NAV1: variants seen among roughly 807,000 people sequenced by gnomAD.
The protein encoded by NAV1 is neuron navigator 1.
NAV1 carries 18 observed loss-of-function variants against 175.2 expected under a neutral mutation model. The ratio of observed to expected loss-of-function variants is 0.10; its 90% CI spans 0.07 to 0.15. The LOEUF is 0.15. Ranked by LOEUF, NAV1 falls within the 10% of genes least tolerant of loss-of-function variation. The pLI is 1.00. For synonymous variants in NAV1, 897 were observed against 978.7 expected, an observed-to-expected ratio of 0.92 and a Z score of 1.56; for missense variants, 1,731 against 2,436.6, an observed-to-expected ratio of 0.71 and a Z score of 6.10.
Position 201,753,289 on chromosome 1 carries a change from C to T in NAV1, c.1227-27132C>T, listed in dbSNP as rs956454739. 2.0e-5 allele frequency among the ~76,000 whole-genome samples: 3 copies of T among 152,160 alleles called. No homozygotes were observed. The South Asian group carries it at 6.2e-4, about 31-fold the overall frequency. On this transcript the variant is annotated intron_variant, in intron 3 of 29. Transcript: ENST00000367296. ...CAGGATTGATGAGCCCCTGTAAGAA[C>T]TGCATTGCATATTTCATAAATGTAA...
chr1:201,762,403 A>T (rs565183831), intron 3 of NAV1, among the ~76,000 whole-genome samples: 1 of 152,310 alleles, frequency 6.6e-6, no homozygotes, highest in South Asian at 2.1e-4. Flanking sequence ...TGCTTGGCCA[A>T]ATCCAGTCCA....
chr1:201,574,365 G>A (rs1249865623), intron 1 of NAV1, among the ~76,000 whole-genome samples: 2 of 152,052 alleles, frequency 1.3e-5, no homozygotes, highest in Non-Finnish European at 2.9e-5. Context: ...CATGAGAATT[G>A]GACTTTACAG....
upstream of NAV1, among the ~76,000 whole-genome samples, chr1:201,646,227 A>G (rs562054910): frequency 2.2e-4 from 34 of 152,304 alleles, no homozygotes; most frequent in South Asian, 7.0e-3. Context: ...GTCATTTCCT[A>G]TCTGGAACCA....
upstream of NAV1, chr1:201,622,860 G>A (rs963150120): frequency 3.0e-6 from 3 of 985,840 alleles, no homozygotes; most frequent in Non-Finnish European, 3.6e-6. Context: ...CAGGACAGTA[G>A]CCCACACTTC....
intron 3 of NAV1, among the ~76,000 whole-genome samples, chr1:201,745,803 C>T (rs1673730306): frequency 6.6e-6 from 1 of 152,136 alleles, no homozygotes; most frequent in Non-Finnish European, 1.5e-5. Context: ...ATGAGGTTCC[C>T]CAGCCTCCAG....
chr1:201,695,157 G>GC lies in NAV1; in HGVS notation c.758-17654dup, dbSNP rs536129634. Among the ~76,000 whole-genome samples the GC allele has an allele frequency of 2.8e-4, 42 of 152,254 alleles. 1 individual carries two copies. In the South Asian group the frequency reaches 8.5e-3, roughly 31 times the overall value. ...GCCTCTTCCATGCTCAGGCCTCTTGGCCCCCCTGGATGGGCTCAGGGCAAA... is the reference window on the plus strand; with the variant it reads ...GCCTCTTCCATGCTCAGGCCTCTTGGCCCCCCCTGGATGGGCTCAGGGCAAA... On this transcript the variant is annotated intron_variant, in intron 1 of 29. Coordinates refer to ENST00000367296, the Ensembl canonical transcript of NAV1.
intron 1 of NAV1, among the ~76,000 whole-genome samples, chr1:201,584,776 T>G (rs1292802181): frequency 6.6e-6 from 1 of 152,234 alleles, no homozygotes; most frequent in Non-Finnish European, 1.5e-5. Context: ...TTCTGGCTCT[T>G]TCACTCAGTT....
intron 13 of NAV1, chr1:201,791,908 C>A (rs1045051087): frequency 6.6e-6 from 1 of 152,116 alleles, no homozygotes; most frequent in Non-Finnish European, 1.5e-5. Flanking sequence ...TTGTGCCACA[C>A]CCACCAAAGC....
At position 201,782,640 on chromosome 1, in the gene NAV1, C is replaced by T. The variant is rs754388009; in HGVS notation, c.2128C>T (p.Leu710Phe). The change falls in exon 6 of 30, where the codon CTT (leucine) becomes TTT (phenylalanine). Residue 710 changes from leucine to phenylalanine, a missense_variant. By Grantham distance (22) the Leu-to-Phe change is conservative (BLOSUM62 0). Transcript: ENST00000367296. This position sits in a 1 kb window ranked among gnomAD's most constrained non-coding sequence, Gnocchi z 5.4. The stretch of plus-strand genomic sequence containing the variant: ...TCTCCTCAGCACCAAGCAGGGAGGC[C>T]TTACGCCTTCCAGACTGAAGGAGCC... 6.2e-7 allele frequency: 1 copy of T among 1,614,132 alleles called. No individual in the cohort carries two copies. Among genetic ancestry groups the T allele is most frequent in the Non-Finnish European group, 8.5e-7 (1 of 1,180,018 alleles).
In NAV1 at chr1:201,782,958, C is replaced by T. The variant is rs758081150; in HGVS notation, c.2357+89C>T. 1.8e-5 allele frequency: 21 copies of T among 1,152,262 alleles called. No individual in the cohort carries two copies. Among genetic ancestry groups the T allele is most frequent in the Non-Finnish European group, 2.1e-5 (17 of 817,616 alleles). 71.4% of individuals were successfully genotyped at this position (1,152,262 alleles called of 1,614,324 possible). A position where few individuals can be genotyped will look rare whatever the true frequency, so the allele number is the denominator to read the frequency against. On this transcript the variant is annotated intron_variant, in intron 6 of 29. Transcript: ENST00000367296. The surrounding 1 kb of genome is among the most constrained non-coding windows in gnomAD (Gnocchi z 5.4). ...CCTCCTTGGACTAGATGAGGCATGG[C>T]CTATCCACCGTTGTCTCTAGGCCTT...
At position 201,782,098 on chromosome 1, in the gene NAV1, C is replaced by T. The variant is rs1676362014; in HGVS notation, c.1664-78C>T. On this transcript the variant is annotated intron_variant, in intron 5 of 29. Transcript: ENST00000367296. This position sits in a 1 kb window ranked among gnomAD's most constrained non-coding sequence, Gnocchi z 5.4. ...ATACATGGACAATGTTCCCTTCTCCCATGGAGGGAAAGAAAAGGGTGGGTT... is the reference window on the plus strand; with the variant it reads ...ATACATGGACAATGTTCCCTTCTCCTATGGAGGGAAAGAAAAGGGTGGGTT... 7.7e-7 allele frequency: 1 copy of T among 1,291,410 alleles called. No homozygotes were observed. Among genetic ancestry groups the T allele is most frequent in the Non-Finnish European group, 1.1e-6 (1 of 935,952 alleles). 80.0% of individuals were successfully genotyped at this position (1,291,410 alleles called of 1,614,324 possible).
intron 3 of NAV1, chr1:201,724,726 C>G (rs140067916): frequency 6.5e-6 from 1 of 152,764 alleles, no homozygotes; most frequent in Non-Finnish European, 1.5e-5. Flanking sequence ...CAGAAGGATT[C>G]CTTGGCGACT....
Position 201,812,057 on chromosome 1 carries a change from G to A in NAV1, c.5024+83G>A. ...GACTCTGGCCAGGAGGCAGTAGATA[G>A]GAGAAGGAAAGAGAAGTATCCAGAG... On this transcript the variant is annotated intron_variant, in intron 26 of 29. Transcript: ENST00000367296. This position sits in a 1 kb window ranked among gnomAD's most constrained non-coding sequence, Gnocchi z 4.6. The A allele has an allele frequency of 7.6e-7, 1 of 1,321,376 alleles. No individual in the cohort carries two copies. Among genetic ancestry groups the A allele is most frequent in the Non-Finnish European group, 1.1e-6 (1 of 916,462 alleles). The allele number at this position is 1,321,376 out of a possible 1,614,324, so 81.9% of individuals were successfully genotyped here. A position where few individuals can be genotyped will look rare whatever the true frequency, so the allele number is the denominator to read the frequency against.
At chr1:201,806,040 A>G (rs1201618355) in intron 17 of NAV1, among the ~76,000 whole-genome samples, 1 of 149,624 alleles carries the variant, frequency 6.7e-6, no homozygotes, top group Non-Finnish European at 1.5e-5. Flanking sequence ...GCTGGAATGC[A>G]GTGACGCGAT....
intron 29 of NAV1, among the ~76,000 whole-genome samples, chr1:201,817,751 C>T (rs1001751199): frequency 1.3e-5 from 2 of 152,162 alleles, no homozygotes; most frequent in Non-Finnish European, 2.9e-5. Flanking sequence ...CACACTAGCA[C>T]TCTCTCTACT....
chr1:201,736,116 C>A (rs1430895150), intron 3 of NAV1, among the ~76,000 whole-genome samples: 25 of 152,226 alleles, frequency 1.6e-4, no homozygotes, highest in Admixed American at 1.6e-3. Context: ...GAGGGACATT[C>A]TCTGACTGGC....
At chr1:201,625,434 A>T (rs1209413855) in intron 1 of NAV1, among the ~76,000 whole-genome samples, 1 of 152,214 alleles carries the variant, frequency 6.6e-6, no homozygotes, top group Admixed American at 6.5e-5. Context: ...ACTCCCTGTT[A>T]TTGCAAGAAT....
intron 2 of NAV1, among the ~76,000 whole-genome samples, chr1:201,592,547 A>G (rs625436): frequency 0.096 from 14,544 of 152,192 alleles, 919 homozygotes; most frequent in African/African-American, 0.17. Context: ...CACTTTGCCC[A>G]CTTATTCCAT....
At chr1:201,648,271 G>T (rs1187677219) in exon 1 of NAV1, 20 of 1,057,922 alleles carry the variant, frequency 1.9e-5, no homozygotes, top group Non-Finnish European at 2.1e-5. Context: ...AGGCAGGCAG[G>T]CCGCGGGCTG....
Sources: allele counts gnomAD v4.1 joint callset (sites outside exome capture counted in the v4.1 genomes callset), GRCh38; gene constraint gnomAD v4.1.1; non-coding constraint Gnocchi (gnomAD v3.1); transcripts MANE v1.5; gene names NCBI Gene and HGNC (gene_info 2026-07-23, HGNC 2026-07-21).